Variants in GRM7 observed in about 807,000 individuals in gnomAD.
GRM7 encodes glutamate metabotropic receptor 7.
A neutral mutation model predicts 84.5 loss-of-function variants in GRM7; 35 were observed. The observed-to-expected ratio is 0.41, with a 90% CI of 0.32 to 0.55. GRM7 has a LOEUF of 0.55. Among genes scored for constraint, GRM7 ranks in the 20% least tolerant of loss-of-function variants. GRM7 has a pLI of 0.19. For missense variants in GRM7, 1,003 were observed against 1,194.6 expected (o/e 0.84, Z 2.36); for synonymous variants, 487 against 455.1 (o/e 1.07, Z -0.89).
chr3:7,274,271 A>G (rs1698971736), intron 2 of GRM7, among the ~76,000 whole-genome samples: 1 of 152,036 alleles, frequency 6.6e-6, no homozygotes, highest in Non-Finnish European at 1.5e-5. Context: ...ATTATTTTGA[A>G]CTGTCATCTG....
chr3:7,112,605 T>C (rs1371548946), intron 1 of GRM7, among the ~76,000 whole-genome samples: 1 of 152,132 alleles, frequency 6.6e-6, no homozygotes, highest in Non-Finnish European at 1.5e-5. Context: ...CTGATCAGCC[T>C]GGTGTGCCAT....
At chr3:6,943,521 T>C (rs1480866926) in intron 1 of GRM7, among the ~76,000 whole-genome samples, 2 of 152,060 alleles carry the variant, frequency 1.3e-5, no homozygotes, top group South Asian at 4.1e-4. Context: ...ATAGGTCAAT[T>C]TATAGATTCT....
intron 1 of GRM7, among the ~76,000 whole-genome samples, chr3:6,869,958 A>G (rs1408500016): frequency 6.6e-6 from 1 of 152,042 alleles, no homozygotes; most frequent in Non-Finnish European, 1.5e-5. Flanking sequence ...GCGCTTTTCT[A>G]AATGCTTGGA....
chr3:6,981,366 G>A (rs1694193868), intron 1 of GRM7, among the ~76,000 whole-genome samples: 1 of 152,142 alleles, frequency 6.6e-6, no homozygotes, highest in Non-Finnish European at 1.5e-5. Flanking sequence ...AGCAGTTGAA[G>A]GTGAACAAAG....
At chr3:7,258,260 T>A (rs2124952432) in intron 2 of GRM7, among the ~76,000 whole-genome samples, 1 of 152,322 alleles carries the variant, frequency 6.6e-6, no homozygotes. Context: ...TTACTTCATT[T>A]GTATCATGTC....
chr3:6,966,005 G>A (rs1381333195), intron 1 of GRM7, among the ~76,000 whole-genome samples: 4 of 152,180 alleles, frequency 2.6e-5, no homozygotes, highest in Non-Finnish European at 5.9e-5. Flanking sequence ...AAGGTGATCT[G>A]AAAGATTTTC....
chr3:6,950,644 G>C (rs1692711880), intron 1 of GRM7, among the ~76,000 whole-genome samples: 1 of 152,200 alleles, frequency 6.6e-6, no homozygotes, highest in Admixed American at 6.5e-5. Context: ...TCTGTGCCCT[G>C]CCCCCAGAGG....
intron 1 of GRM7, among the ~76,000 whole-genome samples, chr3:7,140,529 C>T (rs1397786637): frequency 3.3e-5 from 5 of 151,912 alleles, no homozygotes; most frequent in African/African-American, 1.2e-4. Context: ...TTCTTGATCT[C>T]TCTGTGTCAT....
intron 1 of GRM7, among the ~76,000 whole-genome samples, chr3:7,100,676 G>A (rs1025862123): frequency 1.3e-5 from 2 of 151,724 alleles, no homozygotes; most frequent in African/African-American, 4.8e-5. Context: ...CAGATTTTAA[G>A]AGAGGAATTT....
chr3:7,660,903 T>C (rs1699415121), intron 8 of GRM7, among the ~76,000 whole-genome samples: 1 of 152,064 alleles, frequency 6.6e-6, no homozygotes, highest in Admixed American at 6.5e-5. Context: ...GATTCTAGAG[T>C]AATAGTAATA....
chr3:6,932,841 G>T (rs940203293), intron 1 of GRM7, among the ~76,000 whole-genome samples: 2 of 140,566 alleles, frequency 1.4e-5, no homozygotes, highest in African/African-American at 2.7e-5. Context: ...TGCAATCTTC[G>T]ACTCCTGGGT....
At chr3:7,577,991 GT>G (rs1165396059) in intron 7 of GRM7, among the ~76,000 whole-genome samples, 1 of 152,134 alleles carries the variant, frequency 6.6e-6, no homozygotes, top group Non-Finnish European at 1.5e-5. Context: ...TTTTTTGTTT[GT>G]TTTTGTTTTT....
intron 2 of GRM7, among the ~76,000 whole-genome samples, chr3:7,166,373 G>A (rs1235571998): frequency 6.6e-6 from 1 of 152,118 alleles, no homozygotes; most frequent in Non-Finnish European, 1.5e-5. Context: ...TTGGATAATA[G>A]CTGTTAACCT....
At chr3:7,589,873 C>G (rs1695696201) in intron 8 of GRM7, among the ~76,000 whole-genome samples, 1 of 152,254 alleles carries the variant, frequency 6.6e-6, no homozygotes, top group East Asian at 1.9e-4. Flanking sequence ...TGCCTGTGTG[C>G]TCCCATTCAG....
chr3:7,228,874 GT>G (rs1232395569), intron 2 of GRM7, among the ~76,000 whole-genome samples: 1 of 152,224 alleles, frequency 6.6e-6, no homozygotes, highest in Non-Finnish European at 1.5e-5. Context: ...TGATAATGAT[GT>G]GATGAAGATG....
intron 8 of GRM7, among the ~76,000 whole-genome samples, chr3:7,586,633 T>C (rs968344221): frequency 6.6e-6 from 1 of 151,986 alleles, no homozygotes; most frequent in Non-Finnish European, 1.5e-5. Flanking sequence ...CATGGTGAAA[T>C]CCTGTCTCTA....
chr3:7,334,321 TATC>T (rs560829460), intron 4 of GRM7, among the ~76,000 whole-genome samples: 144 of 151,844 alleles, frequency 9.5e-4, no homozygotes, highest in African/African-American at 3.3e-3. Flanking sequence ...ACAAAATAAT[TATC>T]AGCCTGTCAG....
intron 4 of GRM7, among the ~76,000 whole-genome samples, chr3:7,352,078 C>CACACACACAT (rs1251893792): frequency 6.6e-6 from 1 of 150,536 alleles, no homozygotes; most frequent in East Asian, 2.0e-4. Flanking sequence ...CACACACACA[C>CACACACACAT]ACACACACAC....
intron 5 of GRM7, among the ~76,000 whole-genome samples, chr3:7,450,925 G>T (rs913989459): frequency 7.1e-6 from 1 of 140,712 alleles, no homozygotes; most frequent in Admixed American, 7.2e-5. Context: ...TACATTTTAT[G>T]TTATATGTTA....
Sources: gnomAD v4.1 joint callset for allele counts (sites outside exome capture counted in the v4.1 genomes callset) on GRCh38, gnomAD v4.1.1 for gene constraint, MANE v1.5 for transcripts, NCBI Gene and HGNC (gene_info 2026-07-23, HGNC 2026-07-21) for gene names.